CTNNA3: variants seen among roughly 807,000 people sequenced by gnomAD.
CTNNA3 encodes catenin alpha 3, also known as catenin alpha-3.
CTNNA3 carries 76 observed loss-of-function variants against 95.7 expected under a neutral mutation model. That is an observed-to-expected ratio of 0.79 (90% confidence interval 0.66 to 0.96). CTNNA3 has a LOEUF of 0.96. CTNNA3 is among the 40% of genes least tolerant of loss of function. The probability of loss-of-function intolerance (pLI) is 0.00; values close to 1 mark genes in which losing one functional copy is unlikely to be tolerated. For missense variants in CTNNA3, 1,191 were observed against 1,089.8 expected (o/e 1.09, Z -1.31); for synonymous variants, 431 against 374.4 (o/e 1.15, Z -1.74).
intron 7 of CTNNA3, among the ~76,000 whole-genome samples, chr10:66,988,687 T>C (rs1332299967): frequency 6.6e-6 from 1 of 152,152 alleles, no homozygotes; most frequent in African/African-American, 2.4e-5. Context: ...TTTCAGAACA[T>C]TCTGCAGTCT....
At chr10:66,794,843 T>A (rs1841126008) in intron 7 of CTNNA3, among the ~76,000 whole-genome samples, 1 of 151,460 alleles carries the variant, frequency 6.6e-6, no homozygotes, top group African/African-American at 2.4e-5. Context: ...ATTTCCACAG[T>A]GTTCAAAGCA....
At chr10:67,017,577 C>T (rs1450255666) in intron 7 of CTNNA3, among the ~76,000 whole-genome samples, 1 of 152,264 alleles carries the variant, frequency 6.6e-6, no homozygotes, top group African/African-American at 2.4e-5. Context: ...CACCCTCTTG[C>T]AGTAACAGAA....
rs144767227 is a variant in CTNNA3 at position 67,117,757 on chromosome 10, A to C, written c.1047+62560T>G. ...TGTCTTGGTTTGAAAAAAGTTTGATAGTAAAATCAAGGTTAAATGAAATAT... is the reference window on the plus strand; with the variant it reads ...TGTCTTGGTTTGAAAAAAGTTTGATCGTAAAATCAAGGTTAAATGAAATAT... On this transcript the variant is annotated intron_variant, in intron 7 of 17. Transcript: ENST00000433211. Among the ~76,000 whole-genome samples, 168 of 152,146 alleles carry C rather than the reference A, an allele frequency of 1.1e-3. 1 individual carries two copies. The highest frequency in any genetic ancestry group is 3.9e-3 in the African/African-American group (162 of 41,564).
intron 3 of CTNNA3, among the ~76,000 whole-genome samples, chr10:67,571,572 T>C (rs1190338779): frequency 1.3e-5 from 2 of 152,184 alleles, no homozygotes; most frequent in Non-Finnish European, 2.9e-5. Context: ...TGCTGAATTG[T>C]ATTGCAAATC....
intron 5 of CTNNA3, among the ~76,000 whole-genome samples, chr10:67,413,932 G>C (rs777244615): frequency 1.2e-4 from 19 of 152,072 alleles, no homozygotes; most frequent in Non-Finnish European, 1.8e-4. Context: ...TATAGCCAAA[G>C]CAGTGTTAAG....
chr10:66,827,258 G>T (rs900540971), intron 7 of CTNNA3, among the ~76,000 whole-genome samples: 6 of 152,056 alleles, frequency 3.9e-5, no homozygotes, highest in African/African-American at 1.5e-4. Context: ...AACTTGTCCT[G>T]CTGGCTATGA....
chr10:66,991,183 A>G (rs1051056369), intron 7 of CTNNA3, among the ~76,000 whole-genome samples: 1 of 152,188 alleles, frequency 6.6e-6, no homozygotes, highest in Non-Finnish European at 1.5e-5. Context: ...TCAAACATTC[A>G]GGGAAGTAAA....
chr10:67,091,790 A>G (rs768722845), intron 7 of CTNNA3, among the ~76,000 whole-genome samples: 28 of 152,050 alleles, frequency 1.8e-4, no homozygotes, highest in Non-Finnish European at 3.7e-4. Flanking sequence ...TAGATGGGCA[A>G]CAAGTAGATT....
intron 12 of CTNNA3, among the ~76,000 whole-genome samples, chr10:66,285,839 C>A (rs1028634890): frequency 3.3e-5 from 5 of 151,680 alleles, no homozygotes; most frequent in Non-Finnish European, 5.9e-5. Flanking sequence ...ATAAGAAGTT[C>A]GTGCAACTGT....
intron 15 of CTNNA3, among the ~76,000 whole-genome samples, chr10:66,066,909 CTT>C (rs1204959687): frequency 6.6e-6 from 1 of 152,010 alleles, no homozygotes; most frequent in Non-Finnish European, 1.5e-5. Flanking sequence ...TCTATAGACT[CTT>C]TTCATGTGGC....
intron 7 of CTNNA3, among the ~76,000 whole-genome samples, chr10:66,778,024 C>T (rs1840382126): frequency 6.6e-6 from 1 of 152,172 alleles, no homozygotes; most frequent in African/African-American, 2.4e-5. Context: ...TCCCTAATTT[C>T]TACCCAGAGC....
chr10:66,756,855 C>T (rs939085978), intron 9 of CTNNA3, among the ~76,000 whole-genome samples: 7 of 152,094 alleles, frequency 4.6e-5, no homozygotes, highest in African/African-American at 1.7e-4. Flanking sequence ...CAAAAATCCA[C>T]CTTGTTGAGC....
chr10:66,533,595 C>A (rs1194564639), intron 10 of CTNNA3, among the ~76,000 whole-genome samples: 1 of 152,070 alleles, frequency 6.6e-6, no homozygotes, highest in Non-Finnish European at 1.5e-5. Flanking sequence ...ATCTTAATGT[C>A]TTTATGTTAT....
At chr10:66,187,735 G>A (rs992580739) in intron 13 of CTNNA3, among the ~76,000 whole-genome samples, 2 of 151,874 alleles carry the variant, frequency 1.3e-5, no homozygotes, top group African/African-American at 4.8e-5. Context: ...AACTAATTCA[G>A]GAAAGTCATT....
At chr10:67,351,437 G>C (rs1842633110) in intron 5 of CTNNA3, among the ~76,000 whole-genome samples, 1 of 151,800 alleles carries the variant, frequency 6.6e-6, no homozygotes, top group Non-Finnish European at 1.5e-5. Flanking sequence ...TATTCTAAAT[G>C]TTATAAACCA....
intron 10 of CTNNA3, among the ~76,000 whole-genome samples, chr10:66,543,138 G>GCAC (rs1321352493): frequency 6.6e-6 from 1 of 152,098 alleles, no homozygotes; most frequent in Non-Finnish European, 1.5e-5. Context: ...GCCCAGGCTA[G>GCAC]AGTTCAATGG....
rs149014140 is a variant in CTNNA3, at chr10:67,103,539, A to G, written c.1047+76778T>C. The stretch of plus-strand genomic sequence containing the variant: ...TATGCCCTCCTCTCATTTTTAAATC[A>G]TTTTAGGAAAGAAGTATAACCACTA... On this transcript the variant is annotated intron_variant, in intron 7 of 17. Coordinates refer to ENST00000433211, the MANE Select transcript of CTNNA3 (RefSeq NM_013266.4). Among the ~76,000 whole-genome samples, 663 of 151,896 alleles carry G rather than the reference A, an allele frequency of 4.4e-3. 2 individuals are homozygous for G. Among genetic ancestry groups the G allele is most frequent in the Non-Finnish European group, 7.7e-3 (523 of 67,802 alleles).
chr10:67,030,512 A>C (rs1853648822), intron 7 of CTNNA3, among the ~76,000 whole-genome samples: 1 of 152,048 alleles, frequency 6.6e-6, no homozygotes, highest in Admixed American at 6.6e-5. Context: ...ATAAATACAT[A>C]AATTAATACT....
At chr10:67,465,344 G>A (rs1373336254) in intron 5 of CTNNA3, among the ~76,000 whole-genome samples, 2 of 151,990 alleles carry the variant, frequency 1.3e-5, no homozygotes, top group African/African-American at 4.8e-5. Flanking sequence ...GCAATAGAAA[G>A]ATGGTTTCAA....
Sources: gnomAD v4.1 joint callset for allele counts (sites outside exome capture counted in the v4.1 genomes callset) on GRCh38, gnomAD v4.1.1 for gene constraint, MANE v1.5 for transcripts, NCBI Gene and HGNC (gene_info 2026-07-23, HGNC 2026-07-21) for gene names.